Variants in SGCZ observed in about 807,000 individuals in gnomAD.
SGCZ encodes zeta-sarcoglycan.
SGCZ carries 40 observed loss-of-function variants against 41.3 expected under a neutral mutation model. The observed-to-expected ratio is 0.97, with a 90% confidence interval of 0.75 to 1.26. The LOEUF (loss-of-function observed/expected upper bound fraction) is 1.26. SGCZ is among the 50% of genes most tolerant of loss of function. The pLI, the probability that SGCZ is intolerant of heterozygous loss-of-function variation, is 0.00. For synonymous variants in SGCZ, 206 were observed against 137.5 expected, an observed-to-expected ratio of 1.50 and a Z score of -3.49; for missense variants, 552 against 369.8, an observed-to-expected ratio of 1.49 and a Z score of -4.04.
chr8:14,801,449 T>C (rs1471212552), intron 1 of SGCZ, among the ~76,000 whole-genome samples: 2 of 152,186 alleles, frequency 1.3e-5, no homozygotes, highest in Non-Finnish European at 2.9e-5. Flanking sequence ...TAGCACTATA[T>C]AATGTAACAA....
At chr8:14,339,542 G>T (rs146395468) in intron 2 of SGCZ, among the ~76,000 whole-genome samples, 3 of 152,246 alleles carry the variant, frequency 2.0e-5, no homozygotes, top group Non-Finnish European at 2.9e-5. Context: ...TCCACACGAC[G>T]AATCAGTTGC....
chr8:14,780,654 T>C (rs908964441), intron 1 of SGCZ, among the ~76,000 whole-genome samples: 26 of 152,118 alleles, frequency 1.7e-4, no homozygotes, highest in African/African-American at 6.3e-4. Flanking sequence ...GAGCTGATCA[T>C]AAAACCTCAA....
At chr8:14,280,289 T>C (rs974008760) in intron 3 of SGCZ, among the ~76,000 whole-genome samples, 2 of 151,848 alleles carry the variant, frequency 1.3e-5, no homozygotes, top group African/African-American at 4.8e-5. Context: ...CTATCTCACA[T>C]GTTCAAATAC....
chr8:14,336,784 A>G (rs2117066134), intron 2 of SGCZ, among the ~76,000 whole-genome samples: 1 of 152,266 alleles, frequency 6.6e-6, no homozygotes, highest in South Asian at 2.1e-4. Flanking sequence ...TGTCTCAAAC[A>G]AAGTAATCAT....
At chr8:15,200,751 A>G (rs1800864238) in intron 1 of SGCZ, among the ~76,000 whole-genome samples, 1 of 152,174 alleles carries the variant, frequency 6.6e-6, no homozygotes, top group Admixed American at 6.5e-5. Context: ...TATCAATATC[A>G]TTTAGAGATG....
intron 1 of SGCZ, among the ~76,000 whole-genome samples, chr8:14,942,125 T>G (rs1467987500): frequency 6.6e-6 from 1 of 151,972 alleles, no homozygotes; most frequent in South Asian, 2.1e-4. Flanking sequence ...CCTCTTAGAC[T>G]AGTATGCATT....
At chr8:14,280,510 T>C (rs553537107) in intron 3 of SGCZ, among the ~76,000 whole-genome samples, 69 of 152,000 alleles carry the variant, frequency 4.5e-4, no homozygotes, top group African/African-American at 1.6e-3. Flanking sequence ...TATATCCATA[T>C]GAAATATGAC....
At chr8:14,120,396 C>G (rs1375336227) in intron 5 of SGCZ, among the ~76,000 whole-genome samples, 1 of 152,068 alleles carries the variant, frequency 6.6e-6, no homozygotes, top group Non-Finnish European at 1.5e-5. Flanking sequence ...ACAACATAAC[C>G]TCTATCAACA....
At chr8:14,348,241 T>TC (rs1170035961) in intron 2 of SGCZ, among the ~76,000 whole-genome samples, 1 of 152,094 alleles carries the variant, frequency 6.6e-6, no homozygotes, top group Admixed American at 6.6e-5. Flanking sequence ...ATACCAAGAT[T>TC]CCCCTTTTAA....
chr8:14,397,145 G>A (rs1461533417), intron 2 of SGCZ, among the ~76,000 whole-genome samples: 1 of 151,936 alleles, frequency 6.6e-6, no homozygotes, highest in East Asian at 1.9e-4. Flanking sequence ...TATAATTGGA[G>A]GTACAAAATT....
intron 1 of SGCZ, among the ~76,000 whole-genome samples, chr8:15,144,406 G>T (rs1798977319): frequency 1.3e-5 from 2 of 150,984 alleles, no homozygotes; most frequent in Admixed American, 1.3e-4. Flanking sequence ...TTTAATGAAG[G>T]CTTTTCATGC....
intron 1 of SGCZ, among the ~76,000 whole-genome samples, chr8:14,902,808 C>T (rs1326791248): frequency 2.0e-5 from 3 of 152,026 alleles, no homozygotes; most frequent in Non-Finnish European, 4.4e-5. Context: ...AATACATGCT[C>T]TATAGTGGTT....
chr8:14,295,527 G>C (rs533588657), intron 3 of SGCZ, among the ~76,000 whole-genome samples: 5 of 152,220 alleles, frequency 3.3e-5, no homozygotes, highest in African/African-American at 1.2e-4. Flanking sequence ...TAAAATAGTA[G>C]TTAAGGGCTT....
At chr8:14,986,308 G>C (rs1801824184) in intron 1 of SGCZ, among the ~76,000 whole-genome samples, 1 of 151,996 alleles carries the variant, frequency 6.6e-6, no homozygotes, top group African/African-American at 2.4e-5. Context: ...TTACCACTAA[G>C]GTTCTTACAG....
intron 1 of SGCZ, among the ~76,000 whole-genome samples, chr8:15,063,691 C>T (rs1436456092): frequency 6.6e-6 from 1 of 152,162 alleles, no homozygotes; most frequent in East Asian, 1.9e-4. Flanking sequence ...TAGTGCTTCA[C>T]AGAAGACCAG....
rs568576415 is a variant in SGCZ at position 14,179,144 on chromosome 8, T to C, written c.425-14442A>G. Among the ~76,000 whole-genome samples the C allele has an allele frequency of 5.3e-5, 8 of 152,272 alleles. No homozygotes were observed. In the South Asian group the frequency reaches 1.5e-3, roughly 28 times the overall value. On this transcript the variant is annotated intron_variant, in intron 4 of 7. Transcript: ENST00000382080. ...AAAACCACCCAAACAATCCAGAAAT[T>C]ATGTAAGATACAAATTGTCAGGTCA...
intron 3 of SGCZ, among the ~76,000 whole-genome samples, chr8:14,279,402 G>T (rs1453930212): frequency 1.3e-5 from 2 of 151,864 alleles, no homozygotes; most frequent in Non-Finnish European, 2.9e-5. Context: ...ACAAAAATGG[G>T]ACATTTTGAA....
At chr8:15,132,659 G>C (rs1025246206) in intron 1 of SGCZ, among the ~76,000 whole-genome samples, 1 of 152,162 alleles carries the variant, frequency 6.6e-6, no homozygotes, top group Non-Finnish European at 1.5e-5. Flanking sequence ...TTAACGAGTT[G>C]TGAGAGCAAT....
At chr8:14,481,151 C>T (rs1801524813) in intron 2 of SGCZ, among the ~76,000 whole-genome samples, 1 of 150,918 alleles carries the variant, frequency 6.6e-6, no homozygotes, top group Non-Finnish European at 1.5e-5. Context: ...AAATGATACA[C>T]ACATTATACA....
Sources: allele counts gnomAD v4.1 joint callset (sites outside exome capture counted in the v4.1 genomes callset), GRCh38; gene constraint gnomAD v4.1.1; transcripts MANE v1.5; gene names NCBI Gene and HGNC (gene_info 2026-07-23, HGNC 2026-07-21).